Variants in CRHBP observed in about 807,000 individuals in gnomAD.
CRHBP encodes corticotropin-releasing hormone-binding protein.
Under a neutral mutation model 34.9 loss-of-function variants are expected in CRHBP, and 19 were observed. That is an observed-to-expected ratio of 0.55 (90% CI 0.38 to 0.80). The LOEUF (loss-of-function observed/expected upper bound fraction) is 0.80. CRHBP is among the 30% of genes least tolerant of loss of function. The pLI, the probability that CRHBP is intolerant of heterozygous loss-of-function variation, is 0.00. For synonymous variants in CRHBP, 154 were observed against 153.4 expected (o/e 1.00, Z -0.03); for missense variants, 328 against 409.2 (o/e 0.80, Z 1.71).
chr5:76,977,913 T>A (rs1451267918), intron 3 of CRHBP, among the ~76,000 whole-genome samples: 1 of 152,214 alleles, frequency 6.6e-6, no homozygotes, highest in Non-Finnish European at 1.5e-5. Context: ...CTCCAGTGAA[T>A]ACACAAATGA....
At chr5:76,976,948 G>C (rs1027703411) in intron 3 of CRHBP, among the ~76,000 whole-genome samples, 1 of 152,072 alleles carries the variant, frequency 6.6e-6, no homozygotes, top group Non-Finnish European at 1.5e-5. Context: ...TAAGAAGATG[G>C]TAGATCAACT....
At chr5:76,953,926 C>CACT (rs1166099182) in intron 2 of CRHBP, 103 bp from the exon 3 acceptor site, 2 of 1,389,976 alleles carry the variant, frequency 1.4e-6, no homozygotes, top group Non-Finnish European at 1.9e-6. Flanking sequence ...GGGCGCTGGG[C>CACT]ACTACAGAGC....
intron 6 of CRHBP, among the ~76,000 whole-genome samples, chr5:76,968,154 A>G (rs1745887606): frequency 6.6e-6 from 1 of 151,630 alleles, no homozygotes; most frequent in Non-Finnish European, 1.5e-5. Context: ...GTTTATGTAT[A>G]AAACAGTTTT....
chr5:76,954,687 AG>A (rs1745641393), intron 3 of CRHBP, among the ~76,000 whole-genome samples: 2 of 152,272 alleles, frequency 1.3e-5, no homozygotes, highest in South Asian at 4.2e-4. Flanking sequence ...GGCTGTCTTC[AG>A]TGCGCGGGTG....
rs143377184 is a variant in CRHBP at position 76,969,032 on chromosome 5, TACAC to T, written c.*152_*155del. 6.7e-3 allele frequency: 4,561 copies of T among 685,836 alleles called. 156 individuals are homozygous for T. In the African/African-American group the frequency reaches 0.077, roughly 12 times the overall value. The allele number at this position is 685,836 out of a possible 1,614,324, so 42.5% of individuals were successfully genotyped here. A position where few individuals can be genotyped will look rare whatever the true frequency, so the allele number is the denominator to read the frequency against. ...GCACGCGCGCACACACACACACACATACACACACGCATTAATTTTTGTACTTTGC... is the reference window on the plus strand; with the variant it reads ...GCACGCGCGCACACACACACACACATACACGCATTAATTTTTGTACTTTGC... On this transcript the variant is annotated 3_prime_UTR_variant, in exon 7 of 7. Transcript: ENST00000274368.
At chr5:76,959,583 A>G (rs905128820) in intron 5 of CRHBP, among the ~76,000 whole-genome samples, 1 of 152,194 alleles carries the variant, frequency 6.6e-6, no homozygotes, top group African/African-American at 2.4e-5. Flanking sequence ...TGACTAGGTT[A>G]AGATAACTCA....
At chr5:76,978,731 G>A (rs1366728185) in intron 3 of CRHBP, among the ~76,000 whole-genome samples, 2 of 152,192 alleles carry the variant, frequency 1.3e-5, no homozygotes, top group African/African-American at 2.4e-5. Flanking sequence ...AGCAAAGAAA[G>A]CGGTTTCTTG....
At chr5:76,958,417 T>G (rs1745724261) in intron 4 of CRHBP, among the ~76,000 whole-genome samples, 1 of 152,212 alleles carries the variant, frequency 6.6e-6, no homozygotes, top group Non-Finnish European at 1.5e-5. Flanking sequence ...TTAACTCAAG[T>G]GTTCCTAGAA....
At chr5:76,978,238 A>T (rs530475082) in intron 3 of CRHBP, among the ~76,000 whole-genome samples, 3 of 152,372 alleles carry the variant, frequency 2.0e-5, no homozygotes, top group African/African-American at 7.2e-5. Context: ...CTGATTTTCA[A>T]TGTAGACAAA....
At chr5:76,960,372 A>T (rs1200837494) in intron 5 of CRHBP, among the ~76,000 whole-genome samples, 1 of 152,304 alleles carries the variant, frequency 6.6e-6, no homozygotes, top group South Asian at 2.1e-4. Context: ...GGATTGGCAT[A>T]AAACAGCTTC....
intron 6 of CRHBP, 24 bp downstream of exon 6, chr5:76,963,484 T>A: frequency 6.4e-7 from 1 of 1,561,456 alleles, no homozygotes. Flanking sequence ...TTGATTGTTA[T>A]GTATGTGCCT....
chr5:76,954,203 C>T lies in CRHBP; in HGVS notation c.333+17C>T, dbSNP rs1745628644. On this transcript the variant is annotated intron_variant, in intron 3 of 6. Coordinates refer to ENST00000274368, the MANE Select transcript of CRHBP (RefSeq NM_001882.4). ...TTCCTGAAGGTGAGGCGCCCACGGCCAGCCAACCTAGCCGGAGGGCGGCAC... is the reference window on the plus strand; with the variant it reads ...TTCCTGAAGGTGAGGCGCCCACGGCTAGCCAACCTAGCCGGAGGGCGGCAC... 6.2e-7 allele frequency: 1 copy of T among 1,609,158 alleles called. No homozygotes were observed. The highest frequency in any genetic ancestry group is 1.3e-5 in the African/African-American group (1 of 74,864).
chr5:76,966,231 T>C (rs1051591558), intron 6 of CRHBP, among the ~76,000 whole-genome samples: 1 of 152,222 alleles, frequency 6.6e-6, no homozygotes, highest in African/African-American at 2.4e-5. Flanking sequence ...TTGGTCAGGC[T>C]GGTCTCGAAC....
downstream of CRHBP, among the ~76,000 whole-genome samples, chr5:76,971,114 G>A (rs1165083350): frequency 1.3e-5 from 2 of 152,180 alleles, no homozygotes; most frequent in Non-Finnish European, 2.9e-5. Context: ...GCGAGTAAAA[G>A]TTTATATGAA....
At chr5:76,956,515 C>T (rs1745670887) in intron 4 of CRHBP, among the ~76,000 whole-genome samples, 1 of 152,154 alleles carries the variant, frequency 6.6e-6, no homozygotes, top group Non-Finnish European at 1.5e-5. Context: ...GCAGGCGGAT[C>T]ACGAGGTCAG....
At chr5:76,975,825 A>AAAAAAAAAAAAAC in intron 2 of CRHBP, among the ~76,000 whole-genome samples, 1 of 61,846 alleles carries the variant, frequency 1.6e-5, no homozygotes, top group African/African-American at 9.1e-5. Context: ...AAAAAAAAAA[A>AAAAAAAAAAAAAC]ATATATATAT....
chr5:76,958,930 C>G (rs754964897), intron 5 of CRHBP, 41 bp downstream of exon 5: 1 of 1,603,132 alleles, frequency 6.2e-7, no homozygotes, highest in Non-Finnish European at 8.5e-7. Context: ...GATAAGGCCA[C>G]AACTTTATCA....
At chr5:76,953,456 C>G in intron 1 of CRHBP, 145 bp from the exon 2 acceptor site, 1 of 977,570 alleles carries the variant, frequency 1.0e-6, no homozygotes, top group Non-Finnish European at 1.6e-6. Context: ...GGTCTAAGAC[C>G]TTCCCGTCTT....
At chr5:76,953,467 C>T (rs1745605483) in intron 1 of CRHBP, 134 bp from the exon 2 acceptor site, 7 of 1,044,736 alleles carry the variant, frequency 6.7e-6, no homozygotes, top group African/African-American at 6.4e-5. Context: ...TTCCCGTCTT[C>T]TCCGGACACG....
Sources: allele counts gnomAD v4.1 joint callset (sites outside exome capture counted in the v4.1 genomes callset), GRCh38; gene constraint gnomAD v4.1.1; transcripts MANE v1.5; gene names NCBI Gene and HGNC (gene_info 2026-07-23, HGNC 2026-07-21).